Variants in SUDS3 observed in about 807,000 individuals in gnomAD.
The protein encoded by SUDS3 is SIN3A corepressor complex component SDS3, also known as sin3 histone deacetylase corepressor complex component SDS3.
A neutral mutation model predicts 53.5 loss-of-function variants in SUDS3; 23 were observed. The observed-to-expected ratio is 0.43, with a 90% CI of 0.31 to 0.61. The LOEUF (loss-of-function observed/expected upper bound fraction) is 0.61, where lower values mean the gene tolerates loss of function less well. SUDS3 is among the 20% of genes least tolerant of loss of function. The pLI is 0.10. For missense variants in SUDS3, 291 were observed against 405.9 expected, an observed-to-expected ratio of 0.72 and a Z score of 2.43; for synonymous variants, 150 against 148.5, an observed-to-expected ratio of 1.01 and a Z score of -0.08.
chr12:118,392,241 A>G (rs545776313), intron 6 of SUDS3, among the ~76,000 whole-genome samples: 2 of 152,278 alleles, frequency 1.3e-5, no homozygotes, highest in South Asian at 4.1e-4. Context: ...TCTGTAGGAA[A>G]TGCATGCAGT....
chr12:118,376,821 G>T lies in SUDS3; in HGVS notation c.130G>T (p.Glu44Ter). Residue 44 changes from glutamate (E) to a stop codon, truncating the protein, a stop_gained, in exon 1 of 12, where the codon GAG becomes TAG. Transcript: ENST00000543473. LOFTEE classifies it high-confidence loss of function. ...EDDERSCRGRESDEDTEDASE... is the reference protein window; with the variant it reads ...EDDERSCRGR ...CGACGAGCGCAGCTGTCGGGGCCGCGAGTCGGACGAAGGTGAGTCCTGCCG... is the reference window on the plus strand; with the variant it reads ...CGACGAGCGCAGCTGTCGGGGCCGCTAGTCGGACGAAGGTGAGTCCTGCCG... 6.5e-7 allele frequency: 1 copy of T among 1,544,474 alleles called. No homozygotes were observed.
intron 6 of SUDS3, among the ~76,000 whole-genome samples, chr12:118,392,487 A>G (rs1208060541): frequency 6.6e-6 from 1 of 152,214 alleles, no homozygotes; most frequent in Non-Finnish European, 1.5e-5. Context: ...GGCAAAAGAA[A>G]TGAGCTCCTT....
At chr12:118,389,148 CAAAA>C (rs1307636885) in intron 4 of SUDS3, among the ~76,000 whole-genome samples, 1 of 151,880 alleles carries the variant, frequency 6.6e-6, no homozygotes, top group South Asian at 2.1e-4. Flanking sequence ...GACTCTGTCT[CAAAA>C]AAACCAGAAC....
chr12:118,386,055 C>T, intron 3 of SUDS3, 59 bp from the exon 4 acceptor site: 1 of 1,362,646 alleles, frequency 7.3e-7, no homozygotes, highest in Non-Finnish European at 1.0e-6. Flanking sequence ...TTTTAGGAAG[C>T]AAAATGTAGA....
chr12:118,385,589 G>A (rs1326161300), intron 3 of SUDS3, among the ~76,000 whole-genome samples: 1 of 152,202 alleles, frequency 6.6e-6, no homozygotes, highest in Non-Finnish European at 1.5e-5. Context: ...ATCTATACCT[G>A]AATTGTTTAA....
Position 118,391,216 on chromosome 12 carries a change from A to G in SUDS3, c.451A>G (p.Ile151Val). The change falls in exon 6 of 12, where the codon ATT becomes GTT. Residue 151 changes from isoleucine (I) to valine (V), a missense_variant. Physicochemically the swap from Ile to Val is conservative, Grantham distance 29 (BLOSUM62 3). Transcript: ENST00000543473. ...GAAGGTTGAGCTGAAAGAGAACCTG[A>G]TTGCTGAGCTAGAAGAAAAGAAGAA... ...DKKVELKENL[I>V]AELEEKKKMI... The G allele has an allele frequency of 6.2e-7, 1 of 1,613,766 alleles. No individual in the cohort carries two copies. Among genetic ancestry groups the G allele is most frequent in the Non-Finnish European group, 8.5e-7 (1 of 1,179,852 alleles).
chr12:118,381,469 G>A (rs2046058840), intron 2 of SUDS3, among the ~76,000 whole-genome samples: 1 of 151,572 alleles, frequency 6.6e-6, no homozygotes, highest in African/African-American at 2.4e-5. Flanking sequence ...TGCAACCTCT[G>A]CCTCCTGGGC....
rs56009326 is a variant in SUDS3 at position 118,414,388 on chromosome 12, G to A, written c.942G>A (p.Gln314=). 1.2e-6 allele frequency: 2 copies of A among 1,604,818 alleles called. No homozygotes were observed. The highest frequency in any genetic ancestry group is 1.7e-6 in the Non-Finnish European group (2 of 1,175,856). The change falls in exon 12 of 12, where the codon CAG becomes CAA. Residue 314 remains glutamine (Q), a synonymous_variant. Coordinates refer to ENST00000543473, the MANE Select transcript of SUDS3 (RefSeq NM_022491.3). ...DSTKMRIYLG[Q]LQRGLFVIRR... ...CCAAGATGAGGATCTACCTGGGCCAGCTTCAGCGCGGGCTCTTCGTGATCC... is the reference window on the plus strand; with the variant it reads ...CCAAGATGAGGATCTACCTGGGCCAACTTCAGCGCGGGCTCTTCGTGATCC...
At chr12:118,384,137 ATT>A in intron 3 of SUDS3, 70 bp downstream of exon 3, 1 of 1,468,216 alleles carries the variant, frequency 6.8e-7, no homozygotes, top group Non-Finnish European at 9.5e-7. Context: ...AAATCTGTGT[ATT>A]TCACTTCTCT....
intron 3 of SUDS3, among the ~76,000 whole-genome samples, chr12:118,385,506 C>G (rs2046107241): frequency 6.6e-6 from 1 of 152,218 alleles, no homozygotes; most frequent in African/African-American, 2.4e-5. Context: ...AAACACTTCC[C>G]CCCACAAGAT....
chr12:118,376,838 G>A lies in SUDS3; in HGVS notation c.142+5G>A. 6.5e-7 allele frequency: 1 copy of A among 1,529,412 alleles called. No individual in the cohort carries two copies. Among genetic ancestry groups the A allele is most frequent in the Non-Finnish European group, 8.7e-7 (1 of 1,145,346 alleles). 94.7% of individuals were successfully genotyped at this position (1,529,412 alleles called of 1,614,324 possible). On this transcript the variant is annotated splice_donor_5th_base_variant and intron_variant, in intron 1 of 11. Transcript: ENST00000543473. Reference sequence around the variant, plus strand: ...GGGGCCGCGAGTCGGACGAAGGTGAGTCCTGCCGCTCGCCCGGCCGCCCGG... The same window carrying A: ...GGGGCCGCGAGTCGGACGAAGGTGAATCCTGCCGCTCGCCCGGCCGCCCGG...
chr12:118,384,041 A>G lies in SUDS3; in HGVS notation c.242A>G (p.Lys81Arg). The part of the protein sequence containing the change: ...QMYQDKLASL[K>R]RQLQQLQEGT... ...TATCAGGACAAACTGGCTTCTCTCA[A>G]GAGGCAGTTGCAACAACTGCAAGAA... Residue 81 changes from lysine (K) to arginine (R), a missense_variant, in exon 3 of 12, where the codon AAG becomes AGG. This residue lies in a region of SUDS3 where 149 missense variants were observed against 146.5 expected (regional missense o/e 1.02). Coordinates refer to ENST00000543473, the MANE Select transcript of SUDS3 (RefSeq NM_022491.3). 6.2e-7 allele frequency: 1 copy of G among 1,613,774 alleles called. No individual in the cohort carries two copies. The highest frequency in any genetic ancestry group is 8.5e-7 in the Non-Finnish European group (1 of 1,179,832).
Position 118,381,554 on chromosome 12 carries a change from T to A in SUDS3, c.212+1323T>A, listed in dbSNP as rs1386560940. ...CATGCCACCATGCCCGGCTAATAATTTTCGTATTTTTAATAGAGACGGGGT... is the reference window on the plus strand; with the variant it reads ...CATGCCACCATGCCCGGCTAATAATATTCGTATTTTTAATAGAGACGGGGT... On this transcript the variant is annotated intron_variant, in intron 2 of 11. Coordinates refer to ENST00000543473, the MANE Select transcript of SUDS3 (RefSeq NM_022491.3). Among the ~76,000 whole-genome samples the A allele has an allele frequency of 2.0e-5, 3 of 152,108 alleles. No homozygotes were observed. In the East Asian group the frequency reaches 5.8e-4, roughly 29 times the overall value.
chr12:118,381,239 C>T (rs12315285), intron 2 of SUDS3, among the ~76,000 whole-genome samples: 1,791 of 151,440 alleles, frequency 0.012, 38 homozygotes, highest in African/African-American at 0.041. Flanking sequence ...GAGTCTTGCT[C>T]GGTTGCCCAG....
intron 2 of SUDS3, 104 bp from the exon 3 acceptor site, chr12:118,383,908 T>C: frequency 9.8e-7 from 1 of 1,025,036 alleles, no homozygotes; most frequent in South Asian, 1.5e-5. Context: ...TGAAGGACAT[T>C]AATGACCTTC....
intron 5 of SUDS3, among the ~76,000 whole-genome samples, chr12:118,390,704 T>G (rs1328496535): frequency 6.6e-6 from 1 of 152,236 alleles, no homozygotes; most frequent in African/African-American, 2.4e-5. Flanking sequence ...TATCAATATA[T>G]GTATACTTTG....
At chr12:118,413,386 G>C (rs1042583124) in intron 11 of SUDS3, among the ~76,000 whole-genome samples, 2 of 152,226 alleles carry the variant, frequency 1.3e-5, no homozygotes, top group African/African-American at 4.8e-5. Context: ...GTAGAGAAGA[G>C]CCAGGGGCTT....
At chr12:118,405,265 A>C (rs2141386932) in intron 10 of SUDS3, among the ~76,000 whole-genome samples, 1 of 152,366 alleles carries the variant, frequency 6.6e-6, no homozygotes, top group African/African-American at 2.4e-5. Flanking sequence ...CAAATCTATG[A>C]GTCTTAAAGC....
intron 2 of SUDS3, among the ~76,000 whole-genome samples, chr12:118,381,775 G>A (rs1038646437): frequency 1.8e-4 from 27 of 152,276 alleles, no homozygotes; most frequent in Middle Eastern, 3.4e-3. Flanking sequence ...AGCCACAGCC[G>A]AACAGATTCA....
Sources: allele counts gnomAD v4.1 joint callset (sites outside exome capture counted in the v4.1 genomes callset), GRCh38; gene constraint gnomAD v4.1.1; regional missense constraint gnomAD v4.1.1; transcripts MANE v1.5; gene names NCBI Gene and HGNC (gene_info 2026-07-23, HGNC 2026-07-21).